Variants in HTR1D observed in about 807,000 individuals in gnomAD.
HTR1D encodes 5-HT-1D.
Under a neutral mutation model 21.1 loss-of-function variants are expected in HTR1D, and 18 were observed. The ratio of observed to expected loss-of-function variants is 0.85; its 90% CI spans 0.59 to 1.27. The LOEUF (loss-of-function observed/expected upper bound fraction) is 1.27. Ranked by LOEUF, HTR1D falls within the 50% of genes most tolerant of loss-of-function variation. HTR1D has a pLI of 0.00. For missense variants in HTR1D, 456 were observed against 481.4 expected, an observed-to-expected ratio of 0.95 and a Z score of 0.49; for synonymous variants, 196 against 204.4, an observed-to-expected ratio of 0.96 and a Z score of 0.35.
chr1:23,198,603 C>G (rs780988437), intron 1 of HTR1D, among the ~76,000 whole-genome samples: 1 of 152,102 alleles, frequency 6.6e-6, no homozygotes, highest in African/African-American at 2.4e-5. Context: ...CAACTAAAAA[C>G]AACCAAACGT....
In HTR1D at chr1:23,205,840, C is replaced by T. The variant is rs1333296476; in HGVS notation, c.-782-10839G>A. Among the ~76,000 whole-genome samples the T allele has an allele frequency of 2.0e-5, 3 of 152,086 alleles. No homozygotes were observed. The East Asian group carries it at 5.8e-4, about 29-fold the overall frequency. On this transcript the variant is annotated intron_variant, in intron 1 of 1. Coordinates refer to ENST00000374619, the MANE Select transcript of HTR1D (RefSeq NM_000864.5). ...TACAGGCGTGTGCCACTGCACCTGG[C>T]CTCTCCATTCATTGAATGACTTGAT...
At chr1:23,199,220 C>T (rs1244387590) in intron 1 of HTR1D, among the ~76,000 whole-genome samples, 6 of 151,854 alleles carry the variant, frequency 4.0e-5, no homozygotes, top group Non-Finnish European at 8.8e-5. Flanking sequence ...CTTAAGTGAT[C>T]CTCCCACCTC....
intron 1 of HTR1D, among the ~76,000 whole-genome samples, chr1:23,195,382 G>C (rs1193940602): frequency 2.6e-5 from 4 of 152,054 alleles, no homozygotes; most frequent in South Asian, 2.1e-4. Flanking sequence ...CAAAGTATGG[G>C]GGGGGGTGGC....
rs1458547229 is a variant in HTR1D at position 23,193,266 on chromosome 1, G to T, written c.954C>A (p.Phe318Leu). The part of the protein sequence containing the change: ...GAFIICWLPF[F>L]VVSLVLPICR... The stretch of plus-strand genomic sequence containing the variant: ...AGATGGGGAGGACCAGAGACACCAC[G>T]AAGAAGGGCAGCCAGCAGATGATAA... Residue 318 changes from phenylalanine (F) to leucine (L), a missense_variant, in exon 2 of 2, where the codon TTC (phenylalanine) becomes TTA (leucine). Physicochemically the swap from Phe to Leu is conservative, Grantham distance 22. Transcript: ENST00000374619. 1 of 1,614,038 alleles carries T rather than the reference G, an allele frequency of 6.2e-7. No homozygotes were observed. The highest frequency in any genetic ancestry group is 8.5e-7 in the Non-Finnish European group (1 of 1,180,030).
chr1:23,208,688 G>C (rs1368270751), intron 1 of HTR1D, among the ~76,000 whole-genome samples: 1 of 152,080 alleles, frequency 6.6e-6, no homozygotes, highest in Non-Finnish European at 1.5e-5. Context: ...TGGGGGTGGG[G>C]GAAATGAATT....
At chr1:23,198,176 G>A (rs530540358) in intron 1 of HTR1D, among the ~76,000 whole-genome samples, 3 of 150,618 alleles carry the variant, frequency 2.0e-5, no homozygotes, top group Admixed American at 6.6e-5. Flanking sequence ...TCAAGACCAC[G>A]GTGAAACCCC....
intron 1 of HTR1D, among the ~76,000 whole-genome samples, chr1:23,201,708 T>G (rs1286160866): frequency 5.9e-5 from 9 of 152,036 alleles, no homozygotes. Context: ...CAAGCCACCA[T>G]GCCCAGCAAA....
chr1:23,193,807 C>A lies in HTR1D; in HGVS notation c.413G>T (p.Trp138Leu). 1.9e-6 allele frequency: 3 copies of A among 1,614,134 alleles called. No homozygotes were observed. Among genetic ancestry groups the A allele is most frequent in the Non-Finnish European group, 2.5e-6 (3 of 1,179,992 alleles). ...GTATTCCAGGGCATCTGTGATTGCC[C>A]AGTACCTGTCCAGAGCAATGACACA... ...HLCVIALDRY[W>L]AITDALEYSK... Residue 138 changes from tryptophan to leucine, a missense_variant, in exon 2 of 2, where the codon TGG becomes TTG. Transcript: ENST00000374619.
intron 1 of HTR1D, among the ~76,000 whole-genome samples, chr1:23,206,319 C>T (rs754824590): frequency 2.0e-5 from 3 of 152,184 alleles, no homozygotes; most frequent in Non-Finnish European, 2.9e-5. Flanking sequence ...CGTGAGCCAA[C>T]GCGCCGGGCC....
At chr1:23,197,811 A>C (rs1644694858) in intron 1 of HTR1D, among the ~76,000 whole-genome samples, 1 of 151,862 alleles carries the variant, frequency 6.6e-6, no homozygotes, top group African/African-American at 2.4e-5. Context: ...CCCAGGTGGG[A>C]GGATCACTTG....
intron 1 of HTR1D, among the ~76,000 whole-genome samples, chr1:23,215,136 G>C (rs1644768031): frequency 6.6e-6 from 1 of 152,192 alleles, no homozygotes; most frequent in South Asian, 2.1e-4. Flanking sequence ...GACTGAGCAG[G>C]CCAGGCTCCA....
At chr1:23,205,266 T>C (rs1411015970) in intron 1 of HTR1D, among the ~76,000 whole-genome samples, 2 of 152,118 alleles carry the variant, frequency 1.3e-5, no homozygotes, top group Non-Finnish European at 2.9e-5. Context: ...GGGAAAGGGA[T>C]AAAAGACTAC....
At chr1:23,199,418 T>C (rs908737922) in intron 1 of HTR1D, among the ~76,000 whole-genome samples, 1 of 23,062 alleles carries the variant, frequency 4.3e-5, no homozygotes, top group African/African-American at 7.7e-4. Flanking sequence ...GTGTGGTCTT[T>C]TTTTTTTTTT....
chr1:23,194,009 T>C lies in HTR1D; in HGVS notation c.211A>G (p.Thr71Ala). The C allele has an allele frequency of 6.2e-7, 1 of 1,613,678 alleles. No homozygotes were observed. The highest frequency in any genetic ancestry group is 2.2e-5 in the East Asian group (1 of 44,866). The change falls in exon 2 of 2, where the codon ACC becomes GCC. Residue 71 changes from threonine to alanine, a missense_variant. Coordinates refer to ENST00000374619, the MANE Select transcript of HTR1D (RefSeq NM_000864.5). ...TTILLTRKLH[T>A]PANYLIGSLA... ...GAGCCAATCAGGTAGTTGGCAGGGGTGTGGAGCTTCCTGGTGAGTAAGATG... is the reference window on the plus strand; with the variant it reads ...GAGCCAATCAGGTAGTTGGCAGGGGCGTGGAGCTTCCTGGTGAGTAAGATG...
chr1:23,196,029 C>A (rs664301), intron 1 of HTR1D, among the ~76,000 whole-genome samples: 1 of 151,624 alleles, frequency 6.6e-6, no homozygotes, highest in Non-Finnish European at 1.5e-5. Flanking sequence ...TTCACAGAGG[C>A]AGGGTCTTGC....
chr1:23,196,243 G>A (rs1053421919), intron 1 of HTR1D, among the ~76,000 whole-genome samples: 2 of 151,976 alleles, frequency 1.3e-5, no homozygotes, highest in Admixed American at 6.6e-5. Context: ...TCGGGAGTTC[G>A]AGACCAGCCT....
rs140479693 is a variant in HTR1D, at chr1:23,211,520, G to T, written c.-783+5771C>A. On this transcript the variant is annotated intron_variant, in intron 1 of 1. Coordinates refer to ENST00000374619, the MANE Select transcript of HTR1D (RefSeq NM_000864.5). ...GTCCCGAGTTAAAAACAAGGAATTA[G>T]CAAGTGAAGAGAAGCTGGGTCCAAT... Among the ~76,000 whole-genome samples, 511 of 152,244 alleles carry T rather than the reference G, an allele frequency of 3.4e-3. 1 individual carries two copies. Among genetic ancestry groups the T allele is most frequent in the African/African-American group, 9.5e-3 (396 of 41,524 alleles).
At chr1:23,204,765 C>A (rs1415752734) in intron 1 of HTR1D, among the ~76,000 whole-genome samples, 2 of 152,140 alleles carry the variant, frequency 1.3e-5, no homozygotes, top group Admixed American at 1.3e-4. Context: ...CGCACTGGTC[C>A]CTGCAGGGAG....
intron 1 of HTR1D, among the ~76,000 whole-genome samples, chr1:23,204,893 G>A (rs1223890461): frequency 1.3e-5 from 2 of 152,040 alleles, no homozygotes; most frequent in African/African-American, 2.4e-5. Flanking sequence ...CCCAGCCAAG[G>A]GTATCTATCC....
Sources: gnomAD v4.1 joint callset for allele counts (sites outside exome capture counted in the v4.1 genomes callset) on GRCh38, gnomAD v4.1.1 for gene constraint, MANE v1.5 for transcripts, NCBI Gene and HGNC (gene_info 2026-07-23, HGNC 2026-07-21) for gene names.